Variants in HPGDS observed in about 807,000 individuals in gnomAD.
The protein encoded by HPGDS is GST class-sigma.
Under a neutral mutation model 23.1 loss-of-function variants are expected in HPGDS, and 26 were observed. That is an observed-to-expected ratio of 1.13 (90% CI 0.83 to 1.56). HPGDS has a LOEUF of 1.56. Among genes scored for constraint, HPGDS ranks in the 40% most tolerant of loss-of-function variants. The probability of loss-of-function intolerance (pLI) is 0.00; values close to 1 mark genes in which losing one functional copy is unlikely to be tolerated. For synonymous variants in HPGDS, 95 were observed against 77.9 expected, an observed-to-expected ratio of 1.22 and a Z score of -1.16; for missense variants, 268 against 236.4, an observed-to-expected ratio of 1.13 and a Z score of -0.88.
intron 5 of HPGDS, among the ~76,000 whole-genome samples, chr4:94,301,477 G>A (rs1165642088): frequency 6.6e-6 from 1 of 152,032 alleles, no homozygotes; most frequent in Non-Finnish European, 1.5e-5. Flanking sequence ...TTTTCCAACT[G>A]ATCGAGATAT....
At chr4:94,330,108 G>C (rs907032897) in intron 2 of HPGDS, among the ~76,000 whole-genome samples, 1 of 152,218 alleles carries the variant, frequency 6.6e-6, no homozygotes, top group African/African-American at 2.4e-5. Context: ...ACCTACGTGA[G>C]TGGTGAAGAA....
intron 2 of HPGDS, among the ~76,000 whole-genome samples, chr4:94,320,543 G>T (rs890338774): frequency 6.6e-6 from 1 of 152,148 alleles, no homozygotes; most frequent in East Asian, 1.9e-4. Flanking sequence ...TGTGTCTGTT[G>T]ACTGCATAAA....
chr4:94,325,549 A>G (rs1274775939), intron 2 of HPGDS, among the ~76,000 whole-genome samples: 1 of 152,168 alleles, frequency 6.6e-6, no homozygotes, highest in East Asian at 1.9e-4. Flanking sequence ...CTGCTGCACA[A>G]GCAGTGAGCA....
intron 1 of HPGDS, among the ~76,000 whole-genome samples, chr4:94,342,138 T>TA (rs1433199987): frequency 7.0e-6 from 1 of 142,810 alleles, no homozygotes; most frequent in African/African-American, 3.1e-5. Context: ...CTGAAAGCTC[T>TA]ATTTTTTTTT....
At chr4:94,335,616 T>G (rs1288780565) in intron 1 of HPGDS, among the ~76,000 whole-genome samples, 1 of 152,176 alleles carries the variant, frequency 6.6e-6, no homozygotes, top group Non-Finnish European at 1.5e-5. Context: ...TGTAAATTAA[T>G]GAGGTAATAC....
At chr4:94,314,244 T>C (rs977612183) in intron 3 of HPGDS, among the ~76,000 whole-genome samples, 24 of 152,216 alleles carry the variant, frequency 1.6e-4, no homozygotes, top group Admixed American at 4.6e-4. Flanking sequence ...GTTTTTCTGC[T>C]CTGTTTTTTC....
At chr4:94,321,427 CTT>C (rs1254554210) in intron 2 of HPGDS, among the ~76,000 whole-genome samples, 2 of 152,140 alleles carry the variant, frequency 1.3e-5, no homozygotes, top group East Asian at 3.9e-4. Flanking sequence ...TTTGTATCCT[CTT>C]TTATTTTGTT....
intron 2 of HPGDS, among the ~76,000 whole-genome samples, chr4:94,320,778 T>G (rs1756489959): frequency 6.6e-6 from 1 of 152,208 alleles, no homozygotes; most frequent in South Asian, 2.1e-4. Flanking sequence ...TAGATCCCAT[T>G]TGTCAATTTT....
intron 2 of HPGDS, among the ~76,000 whole-genome samples, chr4:94,331,879 A>T (rs760556928): frequency 1.3e-5 from 2 of 152,208 alleles, no homozygotes; most frequent in Non-Finnish European, 2.9e-5. Context: ...GGCAGACAGC[A>T]GCAGGTCCCC....
chr4:94,308,552 A>G, intron 4 of HPGDS, 82 bp downstream of exon 4: 4 of 658,746 alleles, frequency 6.1e-6, no homozygotes, highest in Non-Finnish European at 8.0e-6. Flanking sequence ...TTTTGATATT[A>G]AGGAACTTTC....
intron 2 of HPGDS, among the ~76,000 whole-genome samples, chr4:94,322,382 C>T (rs1353225100): frequency 1.3e-5 from 2 of 152,148 alleles, no homozygotes; most frequent in Non-Finnish European, 2.9e-5. Flanking sequence ...GCTGTGAATC[C>T]ACCTGGTCCT....
chr4:94,308,153 T>A (rs886752028), intron 4 of HPGDS, among the ~76,000 whole-genome samples: 2 of 152,162 alleles, frequency 1.3e-5, no homozygotes, highest in African/African-American at 2.4e-5. Flanking sequence ...CCAAAGGTAA[T>A]TTTATACAGT....
chr4:94,314,551 T>C (rs1287357515), intron 3 of HPGDS, among the ~76,000 whole-genome samples: 1 of 152,138 alleles, frequency 6.6e-6, no homozygotes, highest in African/African-American at 2.4e-5. Flanking sequence ...CTGCCCCTAC[T>C]CGGGGGTGCC....
At chr4:94,339,170 G>T (rs139392387) in intron 1 of HPGDS, among the ~76,000 whole-genome samples, 1 of 152,140 alleles carries the variant, frequency 6.6e-6, no homozygotes, top group Non-Finnish European at 1.5e-5. Flanking sequence ...TAACATCTAG[G>T]TTATCTTGGT....
chr4:94,326,415 A>G (rs1756632593), intron 2 of HPGDS, among the ~76,000 whole-genome samples: 2 of 151,660 alleles, frequency 1.3e-5, no homozygotes, highest in Admixed American at 1.3e-4. Context: ...TCATTCTTTT[A>G]TTTTTTTCTT....
intron 2 of HPGDS, among the ~76,000 whole-genome samples, chr4:94,318,519 A>G (rs922316081): frequency 6.6e-6 from 1 of 152,048 alleles, no homozygotes; most frequent in African/African-American, 2.4e-5. Context: ...TTTAATTTCC[A>G]TATATTTGTA....
At position 94,331,058 on chromosome 4, in the gene HPGDS, T is replaced by C. The variant is rs571596511; in HGVS notation, c.133+3439A>G. ...GATTGGTTACAGCCCAGAGTTTGCC[T>C]TATTTGAACACAGTTTGAACACTCA... On this transcript the variant is annotated intron_variant, in intron 2 of 5. Transcript: ENST00000295256. 1.2e-4 allele frequency among the ~76,000 whole-genome samples: 18 copies of C among 152,338 alleles called. No individual in the cohort carries two copies. The East Asian group carries it at 3.5e-3, about 29-fold the overall frequency.
chr4:94,302,174 C>T lies in HPGDS; in HGVS notation c.407G>A (p.Gly136Glu), dbSNP rs143378969. ...HLMQDLDTYL[G>E]GREWLIGNSV... Reference sequence around the variant, plus strand: ...GTTACCAATAAGCCATTCTCTCCCCCCTAAATATGTGTCCAAGTCTTGCAT... The same window carrying T: ...GTTACCAATAAGCCATTCTCTCCCCTCTAAATATGTGTCCAAGTCTTGCAT... Residue 136 changes from glycine to glutamate, a missense_variant, in exon 5 of 6, where the codon GGG (glycine) becomes GAG (glutamate). Coordinates refer to ENST00000295256, the MANE Select transcript of HPGDS (RefSeq NM_014485.3). 5.0e-6 allele frequency: 8 copies of T among 1,611,968 alleles called. No individual in the cohort carries two copies. The highest frequency in any genetic ancestry group is 2.2e-5 in the South Asian group (2 of 90,948).
In HPGDS at chr4:94,318,009, G is replaced by C. The variant is rs760774852; in HGVS notation, c.134-44C>G. 6 of 1,090,868 alleles carry C rather than the reference G, an allele frequency of 5.5e-6. No individual in the cohort carries two copies. The South Asian group carries it at 7.9e-5, about 14-fold the overall frequency. The allele number at this position is 1,090,868 out of a possible 1,614,324, so 67.6% of individuals were successfully genotyped here. On this transcript the variant is annotated intron_variant, in intron 2 of 5. Coordinates refer to ENST00000295256, the MANE Select transcript of HPGDS (RefSeq NM_014485.3). ...AATAATTAACTTCATAACAAAACCAGAAGTTATATTACTTCCATTTTTACT... is the reference window on the plus strand; with the variant it reads ...AATAATTAACTTCATAACAAAACCACAAGTTATATTACTTCCATTTTTACT...
Sources: allele counts gnomAD v4.1 joint callset (sites outside exome capture counted in the v4.1 genomes callset), GRCh38; gene constraint gnomAD v4.1.1; transcripts MANE v1.5; gene names NCBI Gene and HGNC (gene_info 2026-07-23, HGNC 2026-07-21).